The following CPA6 variants were observed in gnomAD, a reference collection of about 807,000 sequenced individuals.
CPA6 encodes carboxypeptidase B.
CPA6 carries 58 observed loss-of-function variants against 63.3 expected under a neutral mutation model. The observed-to-expected ratio is 0.92, with a 90% CI of 0.74 to 1.14. The LOEUF (loss-of-function observed/expected upper bound fraction) is 1.14. Among genes scored for constraint, CPA6 ranks in the 50% most tolerant of loss-of-function variants. The probability of loss-of-function intolerance (pLI) is 0.00; values close to 1 mark genes in which losing one functional copy is unlikely to be tolerated. For synonymous variants in CPA6, 185 were observed against 179.0 expected, an observed-to-expected ratio of 1.03 and a Z score of -0.27; for missense variants, 565 against 526.6, an observed-to-expected ratio of 1.07 and a Z score of -0.71.
chr8:67,462,172 C>G (rs2128957332), intron 8 of CPA6, among the ~76,000 whole-genome samples: 1 of 151,552 alleles, frequency 6.6e-6, no homozygotes, highest in East Asian at 1.9e-4. Context: ...GGTGTAAATC[C>G]AGGGATATTC....
chr8:67,511,466 A>C, intron 4 of CPA6, 75 bp downstream of exon 4: 5 of 823,850 alleles, frequency 6.1e-6, no homozygotes, highest in Middle Eastern at 2.4e-4. Context: ...CATAAAACAC[A>C]TAATTTTCTC....
Position 67,505,941 on chromosome 8 carries a change from G to A in CPA6, c.636+846C>T, listed in dbSNP as rs564625247. On this transcript the variant is annotated intron_variant, in intron 6 of 10. Transcript: ENST00000297770. ...AGTACAGGGCTAACAAATTTGTAGA[G>A]TTATTTTGTGGCTAAGACCCTTCAT... Among the ~76,000 whole-genome samples the A allele has an allele frequency of 2.6e-5, 4 of 152,092 alleles. No homozygotes were observed. The East Asian group carries it at 7.7e-4, about 29-fold the overall frequency.
At chr8:67,737,326 C>G (rs1029775963) in intron 1 of CPA6, among the ~76,000 whole-genome samples, 1 of 152,200 alleles carries the variant, frequency 6.6e-6, no homozygotes, top group Non-Finnish European at 1.5e-5. Flanking sequence ...GTCTGGAAAG[C>G]CTTAACCTAA....
chr8:67,522,820 G>C (rs1425074666), intron 2 of CPA6, among the ~76,000 whole-genome samples: 7 of 152,248 alleles, frequency 4.6e-5, no homozygotes. Context: ...GGTGGATGCA[G>C]TGGGCAGGCG....
At chr8:67,501,834 T>C (rs1811835350) in intron 6 of CPA6, among the ~76,000 whole-genome samples, 1 of 152,208 alleles carries the variant, frequency 6.6e-6, no homozygotes, top group Non-Finnish European at 1.5e-5. Context: ...CTTTAAACAT[T>C]TGGTAGAATT....
intron 1 of CPA6, among the ~76,000 whole-genome samples, chr8:67,698,291 G>T (rs967757955): frequency 1.3e-5 from 2 of 152,176 alleles, no homozygotes; most frequent in African/African-American, 4.8e-5. Flanking sequence ...CACCAGAAAT[G>T]ATGATTTCAT....
At chr8:67,727,326 A>C (rs1563410456) in intron 1 of CPA6, among the ~76,000 whole-genome samples, 1 of 152,160 alleles carries the variant, frequency 6.6e-6, no homozygotes. Flanking sequence ...AGAATACCCC[A>C]AAGTATGGTG....
chr8:67,663,279 G>C (rs1272132675), intron 1 of CPA6, among the ~76,000 whole-genome samples: 2 of 152,148 alleles, frequency 1.3e-5, no homozygotes, highest in Non-Finnish European at 2.9e-5. Flanking sequence ...GGTTAAGCCT[G>C]GTTAGTTCTT....
At chr8:67,560,805 G>A (rs1184342376) in intron 2 of CPA6, among the ~76,000 whole-genome samples, 2 of 152,066 alleles carry the variant, frequency 1.3e-5, no homozygotes, top group African/African-American at 4.8e-5. Context: ...TTTCCCACCT[G>A]TTCTGTGACT....
chr8:67,687,366 G>A (rs1816728533), intron 1 of CPA6, among the ~76,000 whole-genome samples: 1 of 152,182 alleles, frequency 6.6e-6, no homozygotes, highest in Non-Finnish European at 1.5e-5. Flanking sequence ...ATTGTGTGGA[G>A]TCATTATCTG....
chr8:67,496,522 TA>T (rs1563976114), intron 6 of CPA6, among the ~76,000 whole-genome samples: 12 of 15,650 alleles, frequency 7.7e-4, no homozygotes, highest in South Asian at 2.3e-3. Flanking sequence ...ATATAGTTTA[TA>T]TATATATATA....
intron 1 of CPA6, among the ~76,000 whole-genome samples, chr8:67,712,113 G>A (rs1278323933): frequency 6.6e-6 from 1 of 152,168 alleles, no homozygotes; most frequent in Non-Finnish European, 1.5e-5. Flanking sequence ...GTGCAGGAGG[G>A]ATGGCTCAGC....
chr8:67,542,178 A>T (rs572908716), intron 2 of CPA6, among the ~76,000 whole-genome samples: 2 of 152,302 alleles, frequency 1.3e-5, no homozygotes, highest in Non-Finnish European at 2.9e-5. Flanking sequence ...TACCTTTTTA[A>T]CAAGTCCACT....
intron 8 of CPA6, among the ~76,000 whole-genome samples, chr8:67,436,870 C>T (rs1209282390): frequency 6.6e-6 from 1 of 152,116 alleles, no homozygotes; most frequent in Non-Finnish European, 1.5e-5. Flanking sequence ...TCTCCATAAA[C>T]TAGTAGAAAA....
chr8:67,719,430 C>CG (rs933414543), intron 1 of CPA6, among the ~76,000 whole-genome samples: 9 of 151,478 alleles, frequency 5.9e-5, no homozygotes, highest in African/African-American at 2.2e-4. Flanking sequence ...GAATTTATTT[C>CG]GGGGAAAAAA....
intron 6 of CPA6, among the ~76,000 whole-genome samples, chr8:67,492,465 C>T (rs1811626847): frequency 6.6e-6 from 1 of 150,976 alleles, no homozygotes; most frequent in Non-Finnish European, 1.5e-5. Context: ...TCCAAACTAC[C>T]CTTTATAAGG....
intron 2 of CPA6, among the ~76,000 whole-genome samples, chr8:67,587,318 G>A (rs1813968672): frequency 6.6e-6 from 1 of 152,184 alleles, no homozygotes; most frequent in African/African-American, 2.4e-5. Context: ...GATATACTCA[G>A]GAGGGGGACT....
intron 1 of CPA6, among the ~76,000 whole-genome samples, chr8:67,740,447 TA>T (rs748490463): frequency 1.9e-4 from 29 of 152,218 alleles, no homozygotes; most frequent in Non-Finnish European, 3.8e-4. Context: ...GGTAGAAAAC[TA>T]GTATTATGTC....
chr8:67,634,983 G>A (rs1301477687), intron 1 of CPA6, among the ~76,000 whole-genome samples: 1 of 151,236 alleles, frequency 6.6e-6, no homozygotes, highest in African/African-American at 2.5e-5. Flanking sequence ...AACCTCTCAG[G>A]CTCAAGCATC....
Sources: allele counts gnomAD v4.1 joint callset (sites outside exome capture counted in the v4.1 genomes callset), GRCh38; gene constraint gnomAD v4.1.1; transcripts MANE v1.5; gene names NCBI Gene and HGNC (gene_info 2026-07-23, HGNC 2026-07-21).